Variants in WDR27 observed in about 807,000 individuals in gnomAD.
WDR27 encodes WD repeat domain 27.
Under a neutral mutation model 114.4 loss-of-function variants are expected in WDR27, and 100 were observed. The ratio of observed to expected loss-of-function variants is 0.87; its 90% CI spans 0.74 to 1.03. The LOEUF is 1.03. Among genes scored for constraint, WDR27 ranks in the 50% least tolerant of loss-of-function variants. The pLI, the probability that WDR27 is intolerant of heterozygous loss-of-function variation, is 0.00. For missense variants in WDR27, 1,129 were observed against 1,092.9 expected (o/e 1.03, Z -0.47); for synonymous variants, 449 against 423.1 (o/e 1.06, Z -0.75).
intron 21 of WDR27, among the ~76,000 whole-genome samples, chr6:169,629,554 A>C (rs1815766212): frequency 6.6e-6 from 1 of 152,248 alleles, no homozygotes; most frequent in African/African-American, 2.4e-5. Context: ...AAATGAACTA[A>C]GAAATATTTT....
intron 24 of WDR27, among the ~76,000 whole-genome samples, chr6:169,579,756 A>G (rs1272638344): frequency 6.6e-6 from 1 of 152,186 alleles, no homozygotes; most frequent in African/African-American, 2.4e-5. Flanking sequence ...AACTATGCTC[A>G]CCAGCAACCA....
At chr6:169,641,883 C>T in intron 17 of WDR27, among the ~76,000 whole-genome samples, 2 of 152,370 alleles carry the variant, frequency 1.3e-5, no homozygotes, top group Middle Eastern at 6.8e-3. Context: ...GCTCAGAAGC[C>T]GCCATCCCGT....
At chr6:169,579,567 C>T (rs1416762332) in intron 24 of WDR27, among the ~76,000 whole-genome samples, 2 of 152,120 alleles carry the variant, frequency 1.3e-5, no homozygotes, top group Non-Finnish European at 2.9e-5. Context: ...GCCCTCATTA[C>T]TCATTATGCA....
At chr6:169,621,414 ACAC>A (rs1813173768) in intron 21 of WDR27, among the ~76,000 whole-genome samples, 2 of 151,084 alleles carry the variant, frequency 1.3e-5, no homozygotes, top group African/African-American at 4.9e-5. Flanking sequence ...GCCTATACAT[ACAC>A]ACACGCGCAT....
intron 25 of WDR27, among the ~76,000 whole-genome samples, chr6:169,492,179 G>A (rs1789854884): frequency 6.6e-6 from 1 of 151,484 alleles, no homozygotes; most frequent in East Asian, 1.9e-4. Context: ...ATAAAATATA[G>A]GAAGGTGGGT....
intron 24 of WDR27, among the ~76,000 whole-genome samples, chr6:169,582,270 T>C (rs1028402070): frequency 3.9e-5 from 6 of 152,192 alleles, no homozygotes; most frequent in African/African-American, 9.7e-5. Flanking sequence ...CCACTGCGCC[T>C]GGCCAATACC....
At chr6:169,646,801 A>C (rs1053391621) in intron 16 of WDR27, among the ~76,000 whole-genome samples, 1 of 152,246 alleles carries the variant, frequency 6.6e-6, no homozygotes, top group Admixed American at 6.5e-5. Flanking sequence ...CACAATATTC[A>C]AACTTGAGGG....
chr6:169,489,130 C>T (rs1490991266), intron 25 of WDR27, among the ~76,000 whole-genome samples: 2 of 152,070 alleles, frequency 1.3e-5, no homozygotes, highest in South Asian at 2.1e-4. Context: ...TCCGTTCATT[C>T]GTGCAAAGTC....
intron 25 of WDR27, among the ~76,000 whole-genome samples, chr6:169,570,458 A>T (rs1219584367): frequency 6.6e-6 from 1 of 152,190 alleles, no homozygotes; most frequent in East Asian, 1.9e-4. Context: ...ACTCCCAGGA[A>T]TACTTGCAGT....
At chr6:169,664,803 AG>A in intron 7 of WDR27, 1 of 995,920 alleles carries the variant, frequency 1.0e-6, no homozygotes, top group Non-Finnish European at 1.2e-6. Context: ...CAACATCTTC[AG>A]GTTTTTCAAC....
At chr6:169,464,255 A>G (rs1359306028) in intron 25 of WDR27, among the ~76,000 whole-genome samples, 1 of 152,214 alleles carries the variant, frequency 6.6e-6, no homozygotes, top group Admixed American at 6.5e-5. Flanking sequence ...ATTATTTTTG[A>G]GAAGGGCTCC....
rs1825452194 is a variant in WDR27, at chr6:169,659,694, ACACACACACCAG to A, written c.1130-188_1130-177del. 6.6e-6 allele frequency among the ~76,000 whole-genome samples: 1 copy of A among 151,876 alleles called. No individual in the cohort carries two copies. The highest frequency in any genetic ancestry group is 1.5e-5 in the Non-Finnish European group (1 of 67,930). ...CCTCACACATACAAGGCCCCAGGCC[ACACACACACCAG>A]CGCACACACCACACACACACCAGGC... On this transcript the variant is annotated intron_variant, in intron 10 of 25. Transcript: ENST00000448612. The surrounding 1 kb of genome is among the most constrained non-coding windows in gnomAD (Gnocchi z 4.3).
At chr6:169,668,739 A>C (rs9396993) in intron 4 of WDR27, 13,595 of 153,008 alleles carry the variant, frequency 0.089, 1,791 homozygotes, top group East Asian at 0.6. Context: ...CCAGGCACGA[A>C]GTGCTGGGCA....
intron 25 of WDR27, among the ~76,000 whole-genome samples, chr6:169,565,592 C>T (rs1007138672): frequency 6.6e-6 from 1 of 151,464 alleles, no homozygotes; most frequent in South Asian, 2.1e-4. Flanking sequence ...AGCATGCACA[C>T]AAGCCACTTC....
At chr6:169,550,405 G>GTATTT (rs1797942467) in intron 25 of WDR27, among the ~76,000 whole-genome samples, 1 of 151,926 alleles carries the variant, frequency 6.6e-6, no homozygotes, top group African/African-American at 2.4e-5. Context: ...TATTGTTATT[G>GTATTT]TATTTTATAT....
chr6:169,445,798 G>C, the WDR27 span, among the ~76,000 whole-genome samples: 412 of 152,326 alleles, frequency 2.7e-3, no homozygotes, highest in African/African-American at 9.6e-3. Context: ...GCTGCAGACC[G>C]AGGCGGTGCT....
At chr6:169,454,167 G>T (rs1474476259), downstream of WDR27, among the ~76,000 whole-genome samples, 1 of 152,188 alleles carries the variant, frequency 6.6e-6, no homozygotes, top group Non-Finnish European at 1.5e-5. Context: ...TAAAAGAGAG[G>T]AGGCAGGATT....
chr6:169,451,923 G>A, the WDR27 span, among the ~76,000 whole-genome samples: 1 of 151,676 alleles, frequency 6.6e-6, no homozygotes, highest in Admixed American at 6.6e-5. Context: ...ACGTCTTTTG[G>A]CTGATATAAT....
intron 21 of WDR27, among the ~76,000 whole-genome samples, chr6:169,622,220 T>C (rs1813532367): frequency 6.6e-6 from 1 of 152,232 alleles, no homozygotes; most frequent in African/African-American, 2.4e-5. Context: ...ATCTTATGTA[T>C]GTTGACTGAT....
Sources: allele counts gnomAD v4.1 joint callset (sites outside exome capture counted in the v4.1 genomes callset), GRCh38; gene constraint gnomAD v4.1.1; non-coding constraint Gnocchi (gnomAD v3.1); transcripts MANE v1.5; gene names NCBI Gene and HGNC (gene_info 2026-07-23, HGNC 2026-07-21).